QRSL1: variants seen among roughly 807,000 people sequenced by gnomAD.
The protein encoded by QRSL1 is glutamyl-tRNA(Gln) amidotransferase subunit A, mitochondrial.
Under a neutral mutation model 61.6 loss-of-function variants are expected in QRSL1, and 54 were observed. The observed-to-expected ratio is 0.88, with a 90% confidence interval of 0.70 to 1.10. The LOEUF is 1.10. Among genes scored for constraint, QRSL1 ranks in the 50% least tolerant of loss-of-function variants. QRSL1 has a pLI of 0.00. For synonymous variants in QRSL1, 228 were observed against 225.7 expected (o/e 1.01, Z -0.09); for missense variants, 505 against 622.6 (o/e 0.81, Z 2.01).
chr6:106,645,033 T>C (rs1474614799), intron 4 of QRSL1, among the ~76,000 whole-genome samples: 2 of 152,160 alleles, frequency 1.3e-5, no homozygotes, highest in African/African-American at 4.8e-5. Context: ...GGTTTTTTTG[T>C]CAAGAATCAA....
rs1469507711 is a variant in QRSL1 at position 106,652,227 on chromosome 6, A to G, written c.576A>G (p.Thr192=). 6.2e-7 allele frequency: 1 copy of G among 1,614,054 alleles called. No homozygotes were observed. The highest frequency in any genetic ancestry group is 2.2e-5 in the East Asian group (1 of 44,882). ...FTCYAALGSD[T]GGSTRNPAAH... The stretch of plus-strand genomic sequence containing the variant: ...ATTCCAGGGCTTTAGGATCAGATAC[A>G]GGAGGATCGACCAGAAATCCTGCTG... Residue 192 remains threonine, a synonymous_variant, in exon 6 of 11, where the codon ACA becomes ACG. Coordinates refer to ENST00000369046, the MANE Select transcript of QRSL1 (RefSeq NM_018292.5).
chr6:106,629,778 T>TG, intron 1 of QRSL1, 73 bp downstream of exon 1: 1 of 1,549,374 alleles, frequency 6.5e-7, no homozygotes, highest in South Asian at 1.2e-5. Context: ...AAAGAGTCCC[T>TG]GGGCCTTACC....
rs138069942 is a variant in QRSL1, at chr6:106,631,322, T to G, written c.24+1617T>G. On this transcript the variant is annotated intron_variant, in intron 1 of 10. Coordinates refer to ENST00000369046, the MANE Select transcript of QRSL1 (RefSeq NM_018292.5). ...CCTATAAAAATATGTTATTTCCTTT[T>G]TCTGCCTTTTCCACTGTCAATCTAA... Among the ~76,000 whole-genome samples the G allele has an allele frequency of 5.8e-4, 88 of 152,366 alleles. No individual in the cohort carries two copies. The East Asian group carries it at 0.012, about 21-fold the overall frequency.
At chr6:106,655,565 T>A in intron 8 of QRSL1, 50 bp from the exon 9 acceptor site, 2 of 1,272,116 alleles carry the variant, frequency 1.6e-6, no homozygotes, top group South Asian at 1.2e-5. Context: ...GCCAAAACTT[T>A]ACTGACTTTA....
intron 1 of QRSL1, 92 bp from the exon 2 acceptor site, chr6:106,640,257 C>T (rs1776996209): frequency 2.6e-6 from 3 of 1,147,386 alleles, no homozygotes; most frequent in Non-Finnish European, 3.8e-6. Context: ...AAATGTTATA[C>T]TTAGCCACTC....
rs765999840 is a variant in QRSL1, at chr6:106,652,597, T to C, written c.849+15T>C. 6.8e-6 allele frequency: 11 copies of C among 1,614,154 alleles called. No individual in the cohort carries two copies. The highest frequency in any genetic ancestry group is 1.6e-4 in the Middle Eastern group (1 of 6,062). ...GAATTCCAAAGGTAACTTTTTCCTT[T>C]CATTACTTTACAGAAATACTGTCAA... is the stretch of plus-strand genomic sequence containing the variant. On this transcript the variant is annotated intron_variant, in intron 7 of 10. Coordinates refer to ENST00000369046, the MANE Select transcript of QRSL1 (RefSeq NM_018292.5).
Position 106,663,174 on chromosome 6 carries a change from T to A in QRSL1, c.1355T>A (p.Val452Glu). Residue 452 changes from valine (V) to glutamate (E), a missense_variant, in exon 10 of 11, where the codon GTA (valine) becomes GAA (glutamate). Physicochemically the swap from Val to Glu is moderately radical, Grantham distance 121. Coordinates refer to ENST00000369046, the MANE Select transcript of QRSL1 (RefSeq NM_018292.5). ...CAGGATGATATTTTTACACAAGCTGTAAATATGGCAGGTGAGGATTCCTCA... is the reference window on the plus strand; with the variant it reads ...CAGGATGATATTTTTACACAAGCTGAAAATATGGCAGGTGAGGATTCCTCA... The part of the protein sequence containing the change: ...SAQDDIFTQA[V>E]NMAGLPAVSI... 3 of 1,613,888 alleles carry A rather than the reference T, an allele frequency of 1.9e-6. No homozygotes were observed. In the South Asian group the frequency reaches 3.3e-5, roughly 18 times the overall value.
Position 106,647,333 on chromosome 6 carries a change from G to T in QRSL1, c.381-1692G>T, listed in dbSNP as rs2114707774. Among the ~76,000 whole-genome samples the T allele has an allele frequency of 2.0e-5, 3 of 151,874 alleles. 1 individual carries two copies. In the East Asian group the frequency reaches 5.9e-4, roughly 30 times the overall value. On this transcript the variant is annotated intron_variant, in intron 4 of 10. Coordinates refer to ENST00000369046, the MANE Select transcript of QRSL1 (RefSeq NM_018292.5). ...TGCTTAATATCGTTGATCATTAGTG[G>T]AATTCAAAATTAAAATCACAGTGAG... is the stretch of plus-strand genomic sequence containing the variant.
Position 106,654,827 on chromosome 6 carries a change from C to G in QRSL1, c.947C>G (p.Ser316Cys). ...ESEGAKVIEVSLPHTSYSIVC... is the reference protein window; with the variant it reads ...ESEGAKVIEVCLPHTSYSIVC... The stretch of plus-strand genomic sequence containing the variant: ...GAGGGGGCCAAAGTAATTGAAGTAT[C>G]CCTTCCTCACACCAGTTATTCAATT... Residue 316 changes from serine (S) to cysteine (C), a missense_variant, in exon 8 of 11, where the codon TCC (serine) becomes TGC (cysteine). Coordinates refer to ENST00000369046, the MANE Select transcript of QRSL1 (RefSeq NM_018292.5). The G allele has an allele frequency of 1.9e-6, 3 of 1,613,710 alleles. No homozygotes were observed. The highest frequency in any genetic ancestry group is 2.5e-6 in the Non-Finnish European group (3 of 1,179,658).
At chr6:106,654,688 T>C (rs767148500) in intron 7 of QRSL1, 42 bp from the exon 8 acceptor site, 2 of 1,513,220 alleles carry the variant, frequency 1.3e-6, no homozygotes, top group Non-Finnish European at 1.8e-6. Context: ...TATAAAATAA[T>C]CTATACAGTT....
rs1777454278 is a variant in QRSL1 at position 106,667,357 on chromosome 6, A to G, written c.*1355A>G. 6.6e-6 allele frequency: 1 copy of G among 152,174 alleles called. No homozygotes were observed. The allele number at this position is 152,174 out of a possible 1,614,324, so 9.4% of individuals were successfully genotyped here. A position where few individuals can be genotyped will look rare whatever the true frequency, so the allele number is the denominator to read the frequency against. On this transcript the variant is annotated 3_prime_UTR_variant, in exon 11 of 11. Transcript: ENST00000369046. ...ATATTAATGGATATCTGTATTCAAT[A>G]TTTGACAAAATCTAATGGAAACCAT...
At chr6:106,640,709 G>T in intron 2 of QRSL1, 114 bp from the exon 3 acceptor site, 1 of 1,077,104 alleles carries the variant, frequency 9.3e-7, no homozygotes, top group Non-Finnish European at 1.4e-6. Flanking sequence ...CCATAAATTT[G>T]TTTTCTGAAG....
At chr6:106,658,200 C>T (rs57273146) in intron 9 of QRSL1, among the ~76,000 whole-genome samples, 13,299 of 151,982 alleles carry the variant, frequency 0.088, 750 homozygotes, top group African/African-American at 0.15. Flanking sequence ...TATTTACCTA[C>T]ATATTTAGTA....
chr6:106,631,504 A>G lies in QRSL1; in HGVS notation c.24+1799A>G, dbSNP rs150121874. The stretch of plus-strand genomic sequence containing the variant: ...AGGATTACTTAAATTATTTTGAATC[A>G]GTTATCCTTGGCCACAAGGATCAGT... On this transcript the variant is annotated intron_variant, in intron 1 of 10. Coordinates refer to ENST00000369046, the MANE Select transcript of QRSL1 (RefSeq NM_018292.5). Among the ~76,000 whole-genome samples the G allele has an allele frequency of 3.4e-3, 512 of 152,334 alleles. 5 individuals carry two copies. Among genetic ancestry groups the G allele is most frequent in the African/African-American group, 0.012 (480 of 41,580 alleles).
At position 106,665,955 on chromosome 6, in the gene QRSL1, G is replaced by C; in HGVS notation, c.1540G>C (p.Ala514Pro). Residue 514 changes from alanine to proline, a missense_variant, in exon 11 of 11, where the codon GCA becomes CCA. Transcript: ENST00000369046. ...TCAAGAACTCATGGATGATTGTTCA[G>C]CAGTCCTTGAAAATGAAAAGTTAGC... ...QLQELMDDCS[A>P]VLENEKLASV... 1 of 1,613,980 alleles carries C rather than the reference G, an allele frequency of 6.2e-7. No individual in the cohort carries two copies. Among genetic ancestry groups the C allele is most frequent in the Non-Finnish European group, 8.5e-7 (1 of 1,179,856 alleles).
intron 7 of QRSL1, among the ~76,000 whole-genome samples, chr6:106,654,226 T>C (rs942220894): frequency 6.6e-6 from 1 of 152,116 alleles, no homozygotes; most frequent in South Asian, 2.1e-4. Context: ...TGTGGGTGCC[T>C]GTAGTCCCAG....
chr6:106,635,058 A>G (rs549312858), intron 1 of QRSL1, among the ~76,000 whole-genome samples: 2 of 152,058 alleles, frequency 1.3e-5, no homozygotes, highest in Admixed American at 6.6e-5. Flanking sequence ...AAGTGAAGAT[A>G]TCAGTTAAGC....
intron 4 of QRSL1, among the ~76,000 whole-genome samples, chr6:106,644,135 G>T (rs1226309301): frequency 6.6e-6 from 1 of 152,116 alleles, no homozygotes; most frequent in Non-Finnish European, 1.5e-5. Flanking sequence ...GCCTCTCAAA[G>T]TGCTGGGATT....
At chr6:106,644,393 A>G (rs926214101) in intron 4 of QRSL1, among the ~76,000 whole-genome samples, 4 of 151,738 alleles carry the variant, frequency 2.6e-5, no homozygotes, top group African/African-American at 7.3e-5. Flanking sequence ...CCTGGCATCA[A>G]GTGATCCTCT....
Sources: gnomAD v4.1 joint callset for allele counts (sites outside exome capture counted in the v4.1 genomes callset) on GRCh38, gnomAD v4.1.1 for gene constraint, MANE v1.5 for transcripts, NCBI Gene and HGNC (gene_info 2026-07-23, HGNC 2026-07-21) for gene names.